Variants in ACR observed in about 807,000 individuals in gnomAD.
ACR encodes the protein acrosin light and heavy chain prepropeptide.
A neutral mutation model predicts 26.0 loss-of-function variants in ACR; 17 were observed. That is an observed-to-expected ratio of 0.65 (90% confidence interval 0.45 to 0.98). ACR has a LOEUF of 0.98. Among genes scored for constraint, ACR ranks in the 50% least tolerant of loss-of-function variants. The pLI is 0.00. For synonymous variants in ACR, 199 were observed against 207.7 expected (o/e 0.96, Z 0.36); for missense variants, 435 against 519.3 (o/e 0.84, Z 1.58).
In ACR at chr22:50,743,088, T is replaced by G. The variant is rs1275344948; in HGVS notation, c.566-973T>G. Reference sequence around the variant, plus strand: ...TCTCGCTCTGTGGCCCGGGCTGGAGTGCAGTGGCGCCATCTCGGCTCACTG... The same window carrying G: ...TCTCGCTCTGTGGCCCGGGCTGGAGGGCAGTGGCGCCATCTCGGCTCACTG... On this transcript the variant is annotated intron_variant, in intron 3 of 4. Coordinates refer to ENST00000216139, the MANE Select transcript of ACR (RefSeq NM_001097.3). Among the ~76,000 whole-genome samples, 136 of 151,708 alleles carry G rather than the reference T, an allele frequency of 9.0e-4. 1 individual carries two copies. The highest frequency in any genetic ancestry group is 2.9e-3 in the African/African-American group (122 of 41,400).
rs1479418565 is a variant in ACR at position 50,739,820 on chromosome 22, T to C, written c.408T>C (p.Ser136=). The change falls in exon 3 of 5, where the codon TCT becomes TCC. Residue 136 remains serine, a synonymous_variant. Coordinates refer to ENST00000216139, the MANE Select transcript of ACR (RefSeq NM_001097.3). The surrounding 1 kb of genome is among the most constrained non-coding windows in gnomAD (Gnocchi z 5.5). ...TCATCATTCATGAAAAATACAACTC[T>C]GCGACAGAGGGAAATGACATTGCCC... ...EKIIIHEKYN[S]ATEGNDIALV... The C allele has an allele frequency of 6.2e-7, 1 of 1,611,062 alleles. No homozygotes were observed. Among genetic ancestry groups the C allele is most frequent in the South Asian group, 1.1e-5 (1 of 90,546 alleles).
chr22:50,738,391 G>T, intron 1 of ACR, 79 bp downstream of exon 1: 2 of 1,421,436 alleles, frequency 1.4e-6, no homozygotes, highest in South Asian at 2.4e-5. Flanking sequence ...TCCAGGGCTA[G>T]GGAAAAGGAG....
Position 50,739,530 on chromosome 22 carries a change from G to T in ACR, c.281+56G>T. On this transcript the variant is annotated intron_variant, in intron 2 of 4. Transcript: ENST00000216139. This position sits in a 1 kb window ranked among gnomAD's most constrained non-coding sequence, Gnocchi z 5.5. ...TCAGAACGGCTCTTCTCAGAGAGGG[G>T]CGTTCCCCGGGGATGCTGTGCAGCG... The T allele has an allele frequency of 6.2e-7, 1 of 1,603,084 alleles. No individual in the cohort carries two copies. Among genetic ancestry groups the T allele is most frequent in the Non-Finnish European group, 8.5e-7 (1 of 1,171,410 alleles).
chr22:50,743,622 G>A (rs1477028773), intron 3 of ACR: 1 of 182,474 alleles, frequency 5.5e-6, no homozygotes, highest in African/African-American at 2.4e-5. Flanking sequence ...GCAGTCCTGA[G>A]GCCAGGCTGC....
In ACR at chr22:50,739,224, A is replaced by C. The variant is rs1354056227; in HGVS notation, c.78-47A>C. 8 of 1,497,186 alleles carry C rather than the reference A, an allele frequency of 5.3e-6. No homozygotes were observed. Among genetic ancestry groups the C allele is most frequent in the Non-Finnish European group, 7.3e-6 (8 of 1,100,290 alleles). 92.7% of individuals were successfully genotyped at this position (1,497,186 alleles called of 1,614,324 possible). On this transcript the variant is annotated intron_variant, in intron 1 of 4. Transcript: ENST00000216139. This position sits in a 1 kb window ranked among gnomAD's most constrained non-coding sequence, Gnocchi z 5.5. ...CCCTCAGTTGTGGAGTTACAAGGAC[A>C]GGCTGTGCTCATGCCAGGTTTGAAC... is the stretch of plus-strand genomic sequence containing the variant.
chr22:50,744,352 T>G (rs895282302), intron 4 of ACR, 146 bp downstream of exon 4: 2 of 706,634 alleles, frequency 2.8e-6, no homozygotes, highest in Admixed American at 5.7e-5. Flanking sequence ...CCCGGTCCCT[T>G]TTCTAGCACC....
In ACR at chr22:50,738,229, CAGG is replaced by C. The variant is rs1329003431; in HGVS notation, c.-4_-2del. The C allele has an allele frequency of 6.2e-7, 1 of 1,613,852 alleles. No individual in the cohort carries two copies. The highest frequency in any genetic ancestry group is 8.5e-7 in the Non-Finnish European group (1 of 1,179,894). On this transcript the variant is annotated 5_prime_UTR_variant, in exon 1 of 5. Coordinates refer to ENST00000216139, the MANE Select transcript of ACR (RefSeq NM_001097.3). ...ACTAGGCTTGCAGGCCAGGCAGTGC[CAGG>C]AGTATGGTTGAGATGCTACCAACTG...
chr22:50,742,692 A>G (rs1355256648), intron 3 of ACR, among the ~76,000 whole-genome samples: 5 of 152,078 alleles, frequency 3.3e-5, no homozygotes, highest in Non-Finnish European at 1.5e-5. Flanking sequence ...GGCTAAGGGG[A>G]TTAAAAAACG....
chr22:50,740,472 T>A (rs1485213855), intron 3 of ACR: 1 of 636,480 alleles, frequency 1.6e-6, no homozygotes, highest in African/African-American at 1.8e-5. Context: ...CCAGGCTGTC[T>A]TTGTCACCAT....
In ACR at chr22:50,739,479, G is replaced by A. The variant is rs1472862649; in HGVS notation, c.281+5G>A. The A allele has an allele frequency of 3.1e-6, 5 of 1,613,982 alleles. No homozygotes were observed. The highest frequency in any genetic ancestry group is 1.1e-5 in the South Asian group (1 of 91,074). The stretch of plus-strand genomic sequence containing the variant: ...TCACTGCTTCGTCGGCAAAAAGTAC[G>A]TGTAGGGATGCACTGAGGGAGGTCT... On this transcript the variant is annotated splice_donor_5th_base_variant and intron_variant, in intron 2 of 4. Transcript: ENST00000216139. This position sits in a 1 kb window ranked among gnomAD's most constrained non-coding sequence, Gnocchi z 5.5.
At chr22:50,744,486 C>G in intron 4 of ACR, 167 bp from the exon 5 acceptor site, 1 of 1,093,726 alleles carries the variant, frequency 9.1e-7, no homozygotes, top group Non-Finnish European at 1.3e-6. Flanking sequence ...CTCCTCACAT[C>G]CCAAATGAAG....
intron 3 of ACR, among the ~76,000 whole-genome samples, chr22:50,742,311 A>G (rs1007824003): frequency 3.9e-5 from 6 of 152,016 alleles, no homozygotes; most frequent in African/African-American, 1.4e-4. Context: ...TTGGGAGGCC[A>G]AGGAGGGTGG....
rs879021608 is a variant in ACR at position 50,745,318 on chromosome 22, T to A, written c.*111T>A. 25 of 1,178,680 alleles carry A rather than the reference T, an allele frequency of 2.1e-5. No individual in the cohort carries two copies. The South Asian group carries it at 2.9e-4, about 14-fold the overall frequency. 73.0% of individuals were successfully genotyped at this position (1,178,680 alleles called of 1,614,324 possible). A position where few individuals can be genotyped will look rare whatever the true frequency, so the allele number is the denominator to read the frequency against. On this transcript the variant is annotated 3_prime_UTR_variant, in exon 5 of 5. Transcript: ENST00000216139. ...AGATATACACACACACATATCTGTA[T>A]GTATACATGCATATACATCAAGAGA...
At chr22:50,740,473 T>C (rs2083420445) in intron 3 of ACR, 1 of 636,734 alleles carries the variant, frequency 1.6e-6, no homozygotes, top group Non-Finnish European at 2.8e-6. Context: ...CAGGCTGTCT[T>C]TGTCACCATC....
chr22:50,742,801 G>C (rs1296423129), intron 3 of ACR, among the ~76,000 whole-genome samples: 2 of 152,178 alleles, frequency 1.3e-5, no homozygotes, highest in South Asian at 2.1e-4. Context: ...TCCCGTCCTG[G>C]CCTGTGCAGC....
At position 50,739,540 on chromosome 22, in the gene ACR, G is replaced by T; in HGVS notation, c.281+66G>T. On this transcript the variant is annotated intron_variant, in intron 2 of 4. Coordinates refer to ENST00000216139, the MANE Select transcript of ACR (RefSeq NM_001097.3). The surrounding 1 kb of genome is among the most constrained non-coding windows in gnomAD (Gnocchi z 5.5). ...TCTTCTCAGAGAGGGGCGTTCCCCG[G>T]GGATGCTGTGCAGCGTCTCCCTGGG... 1 of 1,600,152 alleles carries T rather than the reference G, an allele frequency of 6.2e-7. No homozygotes were observed. The highest frequency in any genetic ancestry group is 1.1e-5 in the South Asian group (1 of 90,036).
At chr22:50,740,090 G>A (rs769050148) in intron 3 of ACR, 113 bp downstream of exon 3, 18 of 1,347,284 alleles carry the variant, frequency 1.3e-5, no homozygotes, top group Middle Eastern at 1.8e-4. Context: ...TCCTCCTCAC[G>A]GCGCTACACG....
Position 50,739,212 on chromosome 22 carries a change from A to T in ACR, c.78-59A>T. ...TGTCCCTGCCTCCCCTCAGTTGTGG[A>T]GTTACAAGGACAGGCTGTGCTCATG... On this transcript the variant is annotated intron_variant, in intron 1 of 4. Coordinates refer to ENST00000216139, the MANE Select transcript of ACR (RefSeq NM_001097.3). The surrounding 1 kb of genome is among the most constrained non-coding windows in gnomAD (Gnocchi z 5.5). 9.7e-6 allele frequency: 14 copies of T among 1,440,354 alleles called. No individual in the cohort carries two copies. In the South Asian group the frequency reaches 1.7e-4, roughly 18 times the overall value. The allele number at this position is 1,440,354 out of a possible 1,614,324, so 89.2% of individuals were successfully genotyped here.
intron 3 of ACR, among the ~76,000 whole-genome samples, chr22:50,742,982 C>T (rs1302068587): frequency 2.6e-5 from 4 of 152,112 alleles, no homozygotes; most frequent in African/African-American, 9.7e-5. Flanking sequence ...CTGGCGCATG[C>T]GCCGTAGCAT....
Sources: gnomAD v4.1 joint callset for allele counts (sites outside exome capture counted in the v4.1 genomes callset) on GRCh38, gnomAD v4.1.1 for gene constraint, Gnocchi (gnomAD v3.1) non-coding constraint, MANE v1.5 for transcripts, NCBI Gene and HGNC (gene_info 2026-07-23, HGNC 2026-07-21) for gene names.